The following VPS13C variants were observed in gnomAD, a reference collection of about 807,000 sequenced individuals.
VPS13C encodes the protein intermembrane lipid transfer protein VPS13C.
Under a neutral mutation model 456.8 loss-of-function variants are expected in VPS13C, and 358 were observed. That is an observed-to-expected ratio of 0.78 (90% CI 0.72 to 0.86). The LOEUF (loss-of-function observed/expected upper bound fraction) is 0.86, where lower values mean the gene tolerates loss of function less well. VPS13C is among the 40% of genes least tolerant of loss of function. The probability of loss-of-function intolerance (pLI) is 0.00; values close to 1 mark genes in which losing one functional copy is unlikely to be tolerated. For missense variants in VPS13C, 4,818 were observed against 4,385.4 expected (o/e 1.10, Z -2.79); for synonymous variants, 1,578 against 1,486.7 (o/e 1.06, Z -1.41).
intron 54 of VPS13C, 98 bp from the exon 55 acceptor site, chr15:61,922,131 T>C: frequency 1.5e-6 from 2 of 1,293,586 alleles, no homozygotes; most frequent in South Asian, 1.3e-5. Context: ...ATGTTATATA[T>C]CATTAGCCAT....
intron 3 of VPS13C, among the ~76,000 whole-genome samples, chr15:62,037,724 G>C (rs1441612841): frequency 6.6e-6 from 1 of 151,380 alleles, no homozygotes; most frequent in Non-Finnish European, 1.5e-5. Flanking sequence ...ATAAATGAAT[G>C]GCTACAACTT....
At chr15:62,011,019 C>T (rs2047020700) in intron 12 of VPS13C, among the ~76,000 whole-genome samples, 1 of 151,926 alleles carries the variant, frequency 6.6e-6, no homozygotes, top group Non-Finnish European at 1.5e-5. Context: ...AATTTAGTAA[C>T]AAAATCATGA....
intron 42 of VPS13C, 143 bp downstream of exon 42, chr15:61,949,300 G>A: frequency 1.1e-6 from 1 of 890,866 alleles, no homozygotes; most frequent in Non-Finnish European, 1.7e-6. Context: ...ATCCCATAGA[G>A]ATAACATTTT....
At chr15:61,907,478 G>T in intron 65 of VPS13C, 88 bp from the exon 66 acceptor site, 1 of 1,476,396 alleles carries the variant, frequency 6.8e-7, no homozygotes, top group Admixed American at 2.4e-5. Context: ...GATTAGCACA[G>T]AAGTCCTACG....
At chr15:62,009,770 T>G (rs1288010538) in intron 13 of VPS13C, among the ~76,000 whole-genome samples, 1 of 152,176 alleles carries the variant, frequency 6.6e-6, no homozygotes, top group Non-Finnish European at 1.5e-5. Flanking sequence ...TCTGGGCATA[T>G]AACCATGCTT....
Position 61,890,169 on chromosome 15 carries a change from T to C in VPS13C, c.9337A>G (p.Thr3113Ala), listed in dbSNP as rs1381831181. ...CTTATTTTCCTTCTTGCATACCTGGTTATCCCAATATAGGAAACTTCCTGC... is the reference window on the plus strand; with the variant it reads ...CTTATTTTCCTTCTTGCATACCTGGCTATCCCAATATAGGAAACTTCCTGC... ...SKQEVSYIGI[T>A]SSGVVWEVKP... is the part of the protein sequence containing the mutation. The change falls in exon 67 of 85, where the codon ACC (threonine) becomes GCC (alanine). Residue 3113 changes from threonine (T) to alanine (A), a missense_variant. Physicochemically the swap from Thr to Ala is moderately conservative, Grantham distance 58. Coordinates refer to ENST00000644861, the MANE Select transcript of VPS13C (RefSeq NM_020821.3). 6.2e-7 allele frequency: 1 copy of C among 1,614,028 alleles called. No individual in the cohort carries two copies. The highest frequency in any genetic ancestry group is 8.5e-7 in the Non-Finnish European group (1 of 1,179,948).
chr15:61,899,459 C>T (rs950445613), intron 66 of VPS13C, among the ~76,000 whole-genome samples: 12 of 152,218 alleles, frequency 7.9e-5, no homozygotes, highest in South Asian at 2.1e-4. Context: ...ACTACCTCTA[C>T]GCAAATAAAC....
At chr15:61,997,487 C>G (rs1161903751) in intron 16 of VPS13C, among the ~76,000 whole-genome samples, 1 of 152,134 alleles carries the variant, frequency 6.6e-6, no homozygotes, top group African/African-American at 2.4e-5. Flanking sequence ...ACATAATTGC[C>G]TACTCCACTG....
At chr15:61,955,902 T>C (rs1013658028) in intron 37 of VPS13C, among the ~76,000 whole-genome samples, 1 of 152,168 alleles carries the variant, frequency 6.6e-6, no homozygotes, top group African/African-American at 2.4e-5. Flanking sequence ...TCAGCCACTA[T>C]AGAAAGCAGT....
chr15:62,005,609 G>A (rs927569689), intron 15 of VPS13C, among the ~76,000 whole-genome samples: 1 of 151,898 alleles, frequency 6.6e-6, no homozygotes, highest in Non-Finnish European at 1.5e-5. Context: ...TTTCTTCCTA[G>A]TCTCGATGGT....
In VPS13C at chr15:61,931,872, G is replaced by A. The variant is rs943912507; in HGVS notation, c.5869-613C>T. Among the ~76,000 whole-genome samples the A allele has an allele frequency of 7.2e-5, 11 of 151,884 alleles. No homozygotes were observed. The South Asian group carries it at 8.3e-4, about 11-fold the overall frequency. On this transcript the variant is annotated intron_variant, in intron 49 of 84. Transcript: ENST00000644861. ...TGGGATTACAGGCATAAGCCACTGC[G>A]CCCCGCCTCTAATAATAAATATTTA...
intron 60 of VPS13C, among the ~76,000 whole-genome samples, chr15:61,916,663 T>C (rs2043481044): frequency 2.0e-5 from 3 of 152,052 alleles, no homozygotes; most frequent in Admixed American, 2.0e-4. Flanking sequence ...AAAAAACATG[T>C]AGGTTCCAAA....
chr15:62,018,105 A>G (rs897919873), intron 9 of VPS13C, among the ~76,000 whole-genome samples: 5 of 152,228 alleles, frequency 3.3e-5, no homozygotes, highest in Non-Finnish European at 7.4e-5. Context: ...ATTGGTGTAT[A>G]AGAATGCTTG....
In VPS13C at chr15:61,890,404, G is replaced by T; in HGVS notation, c.9106-4C>A. On this transcript the variant is annotated splice_region_variant and splice_polypyrimidine_tract_variant and intron_variant, in intron 66 of 84. Transcript: ENST00000644861. ...ATGGAAACTGTCCACATCCATCCTG[G>T]GAAGAAGAAAGACTTCATTAAACCC... 6.2e-7 allele frequency: 1 copy of T among 1,611,616 alleles called. No individual in the cohort carries two copies. Among genetic ancestry groups the T allele is most frequent in the South Asian group, 1.1e-5 (1 of 90,910 alleles).
chr15:61,915,667 G>T lies in VPS13C; in HGVS notation c.8411C>A (p.Ser2804Tyr). 1 of 1,601,880 alleles carries T rather than the reference G, an allele frequency of 6.2e-7. No individual in the cohort carries two copies. Residue 2804 changes from serine (S) to tyrosine (Y), a missense_variant, in exon 61 of 85, where the codon TCT (serine) becomes TAT (tyrosine). By Grantham distance (144) the Ser-to-Tyr change is moderately radical. Around this residue, in one of 3 missense-constraint regions of VPS13C, gnomAD observed 4,552 missense variants for 4,130.6 expected, o/e 1.10. Coordinates refer to ENST00000644861, the MANE Select transcript of VPS13C (RefSeq NM_020821.3). ...AGTAAAAATGTTCTTCTTCTTGAAA[G>T]AAAATAAAATAATATCCCTGAAATC... is the stretch of plus-strand genomic sequence containing the variant. Reference protein sequence around the residue: ...PADFRDIILFSFKKKNIFTKN... With the variant: ...PADFRDIILFYFKKKNIFTKN...
rs187463588 is a variant in VPS13C at position 61,977,250 on chromosome 15, G to T, written c.2291-51C>A. ...TTTATTATTTTTACAAACAGCCATG[G>T]AACATGGATAAATATTATTTTTAAT... is the stretch of plus-strand genomic sequence containing the variant. On this transcript the variant is annotated intron_variant, in intron 23 of 84. Transcript: ENST00000644861. 9.1e-5 allele frequency: 97 copies of T among 1,061,726 alleles called. 1 individual carries two copies. The Admixed American group carries it at 9.2e-4, about 10-fold the overall frequency. The allele number at this position is 1,061,726 out of a possible 1,614,324, so 65.8% of individuals were successfully genotyped here. A position where few individuals can be genotyped will look rare whatever the true frequency, so the allele number is the denominator to read the frequency against.
intron 1 of VPS13C, among the ~76,000 whole-genome samples, chr15:62,054,005 G>A (rs766444506): frequency 1.3e-5 from 2 of 152,076 alleles, no homozygotes; most frequent in Non-Finnish European, 2.9e-5. Context: ...ACAGAGTTCC[G>A]AGTACTGGAG....
At position 61,854,255 on chromosome 15, in the gene VPS13C, T is replaced by G; in HGVS notation, c.*202A>C. Reference sequence around the variant, plus strand: ...ACCCATTTGGGTGGTGGCGTAGAAGTGGACTGCTAGCATATACATGGTTAC... The same window carrying G: ...ACCCATTTGGGTGGTGGCGTAGAAGGGGACTGCTAGCATATACATGGTTAC... On this transcript the variant is annotated 3_prime_UTR_variant, in exon 85 of 85. Coordinates refer to ENST00000644861, the MANE Select transcript of VPS13C (RefSeq NM_020821.3). The G allele has an allele frequency of 1.7e-6, 1 of 592,270 alleles. No homozygotes were observed. The highest frequency in any genetic ancestry group is 2.1e-5 in the South Asian group (1 of 47,506). The allele number at this position is 592,270 out of a possible 1,614,324, so 36.7% of individuals were successfully genotyped here. A position where few individuals can be genotyped will look rare whatever the true frequency, so the allele number is the denominator to read the frequency against.
intron 1 of VPS13C, among the ~76,000 whole-genome samples, chr15:62,049,314 C>G (rs1041207470): frequency 1.3e-5 from 2 of 152,196 alleles, no homozygotes; most frequent in African/African-American, 4.8e-5. Flanking sequence ...TTTCAGCTTT[C>G]TACATATGGC....
Sources: gnomAD v4.1 joint callset for allele counts (sites outside exome capture counted in the v4.1 genomes callset) on GRCh38, gnomAD v4.1.1 for gene constraint, gnomAD v4.1.1 regional missense constraint, MANE v1.5 for transcripts, NCBI Gene and HGNC (gene_info 2026-07-23, HGNC 2026-07-21) for gene names.